Variants in HTR2A observed in about 807,000 individuals in gnomAD.
HTR2A encodes the protein 5-hydroxytryptamine receptor 2A, also known as 5-HT2 receptor.
HTR2A carries 14 observed loss-of-function variants against 31.0 expected under a neutral mutation model. The ratio of observed to expected loss-of-function variants is 0.45; its 90% CI spans 0.30 to 0.71. HTR2A has a LOEUF of 0.71. Ranked by LOEUF, HTR2A falls within the 30% of genes least tolerant of loss-of-function variation. The pLI is 0.09. For missense variants in HTR2A, 442 were observed against 573.3 expected, an observed-to-expected ratio of 0.77 and a Z score of 2.34; for synonymous variants, 209 against 225.2, an observed-to-expected ratio of 0.93 and a Z score of 0.64.
At chr13:46,890,049 C>T (rs1012899290) in intron 3 of HTR2A, among the ~76,000 whole-genome samples, 1 of 152,200 alleles carries the variant, frequency 6.6e-6, no homozygotes, top group Non-Finnish European at 1.5e-5. Flanking sequence ...ATGCACATTA[C>T]AAGACTGGTC....
chr13:46,896,135 G>A lies in HTR2A; in HGVS notation c.-229C>T, dbSNP rs1156889715. Reference sequence around the variant, plus strand: ...CAATTTTAGGAGAGTCCACTGTTTGGTTTTATTATTTTCTCACCAAACCGA... The same window carrying A: ...CAATTTTAGGAGAGTCCACTGTTTGATTTTATTATTTTCTCACCAAACCGA... On this transcript the variant is annotated 5_prime_UTR_variant, in exon 2 of 4. Coordinates refer to ENST00000542664, the MANE Select transcript of HTR2A (RefSeq NM_000621.5). 35 of 1,259,172 alleles carry A rather than the reference G, an allele frequency of 2.8e-5. No homozygotes were observed. Among genetic ancestry groups the A allele is most frequent in the Non-Finnish European group, 3.3e-5 (33 of 1,005,210 alleles). The allele number at this position is 1,259,172 out of a possible 1,614,324, so 78.0% of individuals were successfully genotyped here.
intron 3 of HTR2A, among the ~76,000 whole-genome samples, chr13:46,837,702 T>G (rs1190598066): frequency 2.0e-5 from 3 of 152,154 alleles, no homozygotes; most frequent in African/African-American, 4.8e-5. Flanking sequence ...CAGAACAGAG[T>G]TCCGCTTCAT....
At chr13:46,842,537 GC>G (rs1256149470) in intron 3 of HTR2A, among the ~76,000 whole-genome samples, 1 of 152,118 alleles carries the variant, frequency 6.6e-6, no homozygotes, top group African/African-American at 2.4e-5. Flanking sequence ...CTTTCCTCCA[GC>G]CTCGCTTGTA....
In HTR2A at chr13:46,852,176, C is replaced by G. The variant is rs186003168; in HGVS notation, c.614-16537G>C. ...CAGAAAGAACGCAGCCCTACTGACACCTTGGTTTTGGCCTGGTGAGACCAA... is the reference window on the plus strand; with the variant it reads ...CAGAAAGAACGCAGCCCTACTGACAGCTTGGTTTTGGCCTGGTGAGACCAA... On this transcript the variant is annotated intron_variant, in intron 3 of 3. Coordinates refer to ENST00000542664, the MANE Select transcript of HTR2A (RefSeq NM_000621.5). 293 of 152,354 alleles carry G rather than the reference C, an allele frequency of 1.9e-3. 4 individuals are homozygous for G. Among genetic ancestry groups the G allele is most frequent in the African/African-American group, 6.9e-3 (288 of 41,562 alleles). The allele number at this position is 152,354 out of a possible 1,614,324, so 9.4% of individuals were successfully genotyped here. A position where few individuals can be genotyped will look rare whatever the true frequency, so the allele number is the denominator to read the frequency against.
intron 3 of HTR2A, among the ~76,000 whole-genome samples, chr13:46,858,998 C>A (rs1950760424): frequency 6.6e-6 from 1 of 152,194 alleles, no homozygotes; most frequent in Admixed American, 6.5e-5. Flanking sequence ...TAATTACTTT[C>A]ATCTGCAGTG....
intron 3 of HTR2A, among the ~76,000 whole-genome samples, chr13:46,866,283 C>T (rs1950817620): frequency 6.6e-6 from 1 of 152,154 alleles, no homozygotes. Context: ...GATAGGCTTA[C>T]CGAGAAAGCT....
At chr13:46,850,708 T>C (rs963414434) in intron 3 of HTR2A, among the ~76,000 whole-genome samples, 1 of 152,186 alleles carries the variant, frequency 6.6e-6, no homozygotes, top group African/African-American at 2.4e-5. Context: ...TATCTGTGCT[T>C]GTGTTGCAGG....
intron 3 of HTR2A, among the ~76,000 whole-genome samples, chr13:46,864,593 G>A (rs895179799): frequency 6.6e-6 from 1 of 152,154 alleles, no homozygotes; most frequent in Non-Finnish European, 1.5e-5. Flanking sequence ...CTAAACTTCC[G>A]AGGATCCTCC....
At chr13:46,849,411 A>G (rs1950665393) in intron 3 of HTR2A, among the ~76,000 whole-genome samples, 1 of 152,116 alleles carries the variant, frequency 6.6e-6, no homozygotes, top group African/African-American at 2.4e-5. Flanking sequence ...TCTGAGCCTA[A>G]GACCCTCAGA....
chr13:46,835,444 C>G lies in HTR2A; in HGVS notation c.809G>C (p.Ser270Thr). The G allele has an allele frequency of 6.2e-7, 1 of 1,614,070 alleles. No homozygotes were observed. The highest frequency in any genetic ancestry group is 8.5e-7 in the Non-Finnish European group (1 of 1,179,986). ...TAATTTGGCCCGTGTGCCAAGATCA[C>G]TTACACACAAAGTAGCTTCTTTCTG... ...SLQKEATLCV[S>T]DLGTRAKLAS... Residue 270 changes from serine (S) to threonine (T), a missense_variant, in exon 4 of 4, where the codon AGT becomes ACT. Transcript: ENST00000542664.
rs1566298033 is a variant in HTR2A at position 46,835,140 on chromosome 13, G to C, written c.1113C>G (p.Leu371=). The change falls in exon 4 of 4, where the codon CTC becomes CTG. Residue 371 remains leucine (L), a synonymous_variant. Transcript: ENST00000542664. The part of the protein sequence containing the change: ...LLNVFVWIGY[L]SSAVNPLVYT... ...AGACTAGTGGGTTGACTGCTGAAGAGAGATAACCGATCCAAACAAACACAT... is the reference window on the plus strand; with the variant it reads ...AGACTAGTGGGTTGACTGCTGAAGACAGATAACCGATCCAAACAAACACAT... 1 of 1,613,842 alleles carries C rather than the reference G, an allele frequency of 6.2e-7. No homozygotes were observed. The highest frequency in any genetic ancestry group is 1.7e-5 in the Admixed American group (1 of 59,964).
At chr13:46,864,743 G>GC (rs1950806581) in intron 3 of HTR2A, among the ~76,000 whole-genome samples, 1 of 150,554 alleles carries the variant, frequency 6.6e-6, no homozygotes, top group African/African-American at 2.4e-5. Flanking sequence ...GGCACATGGT[G>GC]CTGTCAAGTC....
intron 3 of HTR2A, among the ~76,000 whole-genome samples, chr13:46,871,765 G>A (rs1379644077): frequency 1.3e-5 from 2 of 152,192 alleles, no homozygotes; most frequent in African/African-American, 4.8e-5. Context: ...TGCGGGTCAT[G>A]TGGAAACTTA....
At chr13:46,863,030 A>T (rs1041741830) in intron 3 of HTR2A, among the ~76,000 whole-genome samples, 1 of 152,218 alleles carries the variant, frequency 6.6e-6, no homozygotes, top group Non-Finnish European at 1.5e-5. Flanking sequence ...GTATAACACT[A>T]GTTACCATGT....
At chr13:46,863,742 A>G (rs1440693352) in intron 3 of HTR2A, among the ~76,000 whole-genome samples, 1 of 151,798 alleles carries the variant, frequency 6.6e-6, no homozygotes, top group Admixed American at 6.6e-5. Context: ...CATGCCAGTC[A>G]GAATGGTGAT....
intron 3 of HTR2A, among the ~76,000 whole-genome samples, chr13:46,881,957 C>A (rs190176346): frequency 2.6e-4 from 40 of 152,128 alleles, no homozygotes; most frequent in Non-Finnish European, 4.4e-4. Context: ...TCCTCTTGGA[C>A]CTAAATGAGC....
intron 3 of HTR2A, among the ~76,000 whole-genome samples, chr13:46,863,885 A>T (rs1950800873): frequency 6.6e-6 from 1 of 152,148 alleles, no homozygotes; most frequent in East Asian, 1.9e-4. Context: ...TAGAGGCAGA[A>T]ATATCATTTG....
rs1191221625 is a variant in HTR2A, at chr13:46,896,972, C to T, written c.-627G>A. 4 of 684,832 alleles carry T rather than the reference C, an allele frequency of 5.8e-6. No homozygotes were observed. The highest frequency in any genetic ancestry group is 9.8e-6 in the Non-Finnish European group (4 of 407,692). 42.4% of individuals were successfully genotyped at this position (684,832 alleles called of 1,614,324 possible). On this transcript the variant is annotated 5_prime_UTR_variant, in exon 1 of 4. Transcript: ENST00000542664. Reference sequence around the variant, plus strand: ...ATCATTCACGAGCCCCTCAAAGTCGCACAAAAGAACTGCATGGGAAAGTAG... The same window carrying T: ...ATCATTCACGAGCCCCTCAAAGTCGTACAAAAGAACTGCATGGGAAAGTAG...
intron 3 of HTR2A, among the ~76,000 whole-genome samples, chr13:46,843,954 A>T (rs1479006404): frequency 6.6e-6 from 1 of 152,062 alleles, no homozygotes; most frequent in Non-Finnish European, 1.5e-5. Context: ...ACACCCTACA[A>T]TTTTTTTCAA....
Sources: gnomAD v4.1 joint callset for allele counts (sites outside exome capture counted in the v4.1 genomes callset) on GRCh38, gnomAD v4.1.1 for gene constraint, MANE v1.5 for transcripts, NCBI Gene and HGNC (gene_info 2026-07-23, HGNC 2026-07-21) for gene names.